SLC25A26: variants seen among roughly 807,000 people sequenced by gnomAD.
SLC25A26 encodes mitochondrial S-adenosylmethionine carrier protein.
A neutral mutation model predicts 37.8 loss-of-function variants in SLC25A26; 36 were observed. That is an observed-to-expected ratio of 0.95 (90% CI 0.73 to 1.26). SLC25A26 has a LOEUF of 1.26. Among genes scored for constraint, SLC25A26 ranks in the 50% most tolerant of loss-of-function variants. The probability of loss-of-function intolerance (pLI) is 0.00; values close to 1 mark genes in which losing one functional copy is unlikely to be tolerated. For missense variants in SLC25A26, 390 were observed against 331.1 expected (o/e 1.18, Z -1.38); for synonymous variants, 129 against 122.5 (o/e 1.05, Z -0.35).
chr3:66,338,216 A>G (rs59456761), intron 5 of SLC25A26, among the ~76,000 whole-genome samples: 8,005 of 152,084 alleles, frequency 0.053, 660 homozygotes, highest in African/African-American at 0.18. Context: ...CCTTTATATG[A>G]ATACACCACA....
chr3:66,266,287 C>T (rs2073746659), intron 5 of SLC25A26, among the ~76,000 whole-genome samples: 1 of 152,158 alleles, frequency 6.6e-6, no homozygotes, highest in Admixed American at 6.5e-5. Context: ...AGAAGTGATA[C>T]ATCTGCTTTA....
At chr3:66,160,548 C>T (rs1249894935) in intron 1 of SLC25A26, among the ~76,000 whole-genome samples, 1 of 152,200 alleles carries the variant, frequency 6.6e-6, no homozygotes, top group Non-Finnish European at 1.5e-5. Context: ...TCCTCCCCTA[C>T]AATATTGCAA....
intron 5 of SLC25A26, among the ~76,000 whole-genome samples, chr3:66,318,122 C>T (rs1309735034): frequency 6.6e-6 from 1 of 152,194 alleles, no homozygotes; most frequent in African/African-American, 2.4e-5. Flanking sequence ...AATGAGGTCA[C>T]TTGGCTCCCT....
chr3:66,290,070 C>G (rs1253050182), intron 5 of SLC25A26, among the ~76,000 whole-genome samples: 1 of 152,020 alleles, frequency 6.6e-6, no homozygotes, highest in African/African-American at 2.4e-5. Context: ...ATTTTATTTC[C>G]TTTATAGCAA....
chr3:66,237,235 G>T (rs2107037413), intron 2 of SLC25A26, among the ~76,000 whole-genome samples: 1 of 152,288 alleles, frequency 6.6e-6, no homozygotes, highest in South Asian at 2.1e-4. Flanking sequence ...AATTGTTTCT[G>T]TTGTTAAAAT....
intron 5 of SLC25A26, among the ~76,000 whole-genome samples, chr3:66,335,650 G>A (rs143899894): frequency 6.6e-6 from 1 of 152,120 alleles, no homozygotes; most frequent in Non-Finnish European, 1.5e-5. Context: ...TAAGAAATAC[G>A]TATCGAGTGT....
At chr3:66,146,771 A>G (rs61195034) in intron 1 of SLC25A26, among the ~76,000 whole-genome samples, 52,590 of 151,844 alleles carry the variant, frequency 0.35, 9,426 homozygotes, top group African/African-American at 0.43. Context: ...TGAGATTTTA[A>G]TGCACTCATC....
At chr3:66,295,285 G>A (rs747948656) in intron 5 of SLC25A26, among the ~76,000 whole-genome samples, 2 of 152,022 alleles carry the variant, frequency 1.3e-5, no homozygotes, top group Non-Finnish European at 2.9e-5. Flanking sequence ...GTGCAGTGGC[G>A]CGATCTCAGC....
chr3:66,274,730 T>G (rs1449927520), intron 5 of SLC25A26, among the ~76,000 whole-genome samples: 3 of 152,088 alleles, frequency 2.0e-5, no homozygotes, highest in African/African-American at 7.2e-5. Context: ...AGAATGGCGA[T>G]CATTAAAAAG....
intron 6 of SLC25A26, among the ~76,000 whole-genome samples, chr3:66,351,969 T>C (rs1243128540): frequency 6.6e-6 from 1 of 151,962 alleles, no homozygotes; most frequent in Non-Finnish European, 1.5e-5. Context: ...ATGAATTAGG[T>C]CAGGCACAGT....
chr3:66,171,436 CTT>C (rs1320117932), intron 1 of SLC25A26, among the ~76,000 whole-genome samples: 1 of 152,134 alleles, frequency 6.6e-6, no homozygotes, highest in African/African-American at 2.4e-5. Flanking sequence ...CCTTCCCCTA[CTT>C]TTTTTGTTCT....
intron 8 of SLC25A26, 75 bp from the exon 9 acceptor site, chr3:66,370,426 AGATGAGGGTGACGGGGAGCTGTGTGTCT>A: frequency 1.1e-6 from 1 of 923,966 alleles, no homozygotes; most frequent in Non-Finnish European, 1.7e-6. Flanking sequence ...ACTGTGTTCT[AGATGAGGGTGACGGGGAGCTGTGTGTCT>A]GAGGATATCT....
Position 66,377,906 on chromosome 3 carries a change from G to C in SLC25A26, c.*99G>C. 1.1e-6 allele frequency: 1 copy of C among 898,102 alleles called. No homozygotes were observed. The highest frequency in any genetic ancestry group is 2.4e-5 in the East Asian group (1 of 41,352). 55.6% of individuals were successfully genotyped at this position (898,102 alleles called of 1,614,324 possible). A position where few individuals can be genotyped will look rare whatever the true frequency, so the allele number is the denominator to read the frequency against. On this transcript the variant is annotated 3_prime_UTR_variant, in exon 10 of 10. Coordinates refer to ENST00000354883, the MANE Select transcript of SLC25A26 (RefSeq NM_001379210.1). ...TGTCTGAACTATAGGCCCCAGTGCT[G>C]AAGACCAGTTGTGCTAAGATACCGG...
intron 8 of SLC25A26, 70 bp from the exon 9 acceptor site, chr3:66,370,459 A>AT: frequency 8.2e-7 from 1 of 1,220,748 alleles, no homozygotes; most frequent in Non-Finnish European, 1.2e-6. Context: ...GTGTCTGAGG[A>AT]TATCTGAGAG....
chr3:66,263,239 C>G (rs2107291831), intron 4 of SLC25A26, 93 bp from the exon 5 acceptor site: 2 of 867,344 alleles, frequency 2.3e-6, no homozygotes, highest in East Asian at 5.1e-5. Flanking sequence ...TGTTCTAGAA[C>G]TCAAACAAGA....
At chr3:66,145,464 C>T (rs991120795) in intron 1 of SLC25A26, among the ~76,000 whole-genome samples, 1 of 152,190 alleles carries the variant, frequency 6.6e-6, no homozygotes, top group African/African-American at 2.4e-5. Context: ...TGGTTTCAGC[C>T]ATGCAAGGGA....
chr3:66,347,054 T>TTTAACATTAA (rs2076343139), intron 6 of SLC25A26, among the ~76,000 whole-genome samples: 1 of 152,070 alleles, frequency 6.6e-6, no homozygotes, highest in South Asian at 2.1e-4. Context: ...ATTAAGGACA[T>TTTAACATTAA]GGACATGGGC....
intron 1 of SLC25A26, among the ~76,000 whole-genome samples, chr3:66,185,768 A>G (rs1259177351): frequency 6.6e-6 from 1 of 151,976 alleles, no homozygotes. Context: ...TATTTTATAC[A>G]TATACTTACA....
intron 1 of SLC25A26, among the ~76,000 whole-genome samples, chr3:66,209,834 TTATA>T (rs2071252366): frequency 1.9e-4 from 22 of 117,298 alleles, no homozygotes; most frequent in African/African-American, 7.0e-4. Context: ...CACACACACC[TTATA>T]TATAGAGAGA....
Sources: gnomAD v4.1 joint callset for allele counts (sites outside exome capture counted in the v4.1 genomes callset) on GRCh38, gnomAD v4.1.1 for gene constraint, MANE v1.5 for transcripts, NCBI Gene and HGNC (gene_info 2026-07-23, HGNC 2026-07-21) for gene names.